Variants in SLC25A51 observed in about 807,000 individuals in gnomAD.
SLC25A51 encodes mitochondrial nicotinamide adenine dinucleotide transporter SLC25A51.
Under a neutral mutation model 19.1 loss-of-function variants are expected in SLC25A51, and 11 were observed. The ratio of observed to expected loss-of-function variants is 0.58; its 90% CI spans 0.36 to 0.96. SLC25A51 has a LOEUF of 0.96. Among genes scored for constraint, SLC25A51 ranks in the 40% least tolerant of loss-of-function variants. The pLI is 0.01. For synonymous variants in SLC25A51, 105 were observed against 133.6 expected, an observed-to-expected ratio of 0.79 and a Z score of 1.47; for missense variants, 201 against 365.4, an observed-to-expected ratio of 0.55 and a Z score of 3.67.
At chr9:37,881,170 A>G (rs1831341406) in intron 3 of SLC25A51, among the ~76,000 whole-genome samples, 1 of 151,764 alleles carries the variant, frequency 6.6e-6, no homozygotes, top group Non-Finnish European at 1.5e-5. Flanking sequence ...GCTACAACAG[A>G]AAGGAGCAGC....
intron 1 of SLC25A51, among the ~76,000 whole-genome samples, chr9:37,900,837 T>C (rs1408643973): frequency 3.9e-5 from 6 of 152,232 alleles, no homozygotes. Flanking sequence ...GCTTGTGAAT[T>C]ACCAATCTTA....
At chr9:37,880,699 G>C (rs1245969297) in exon 4 of SLC25A51, 3 of 152,268 alleles carry the variant, frequency 2.0e-5, no homozygotes, top group Non-Finnish European at 2.9e-5. Flanking sequence ...GCGGTGAGCC[G>C]AGATCACGCC....
chr9:37,883,435 AT>A (rs1247764691), downstream of SLC25A51, among the ~76,000 whole-genome samples: 2 of 152,258 alleles, frequency 1.3e-5, no homozygotes, highest in Non-Finnish European at 2.9e-5. Flanking sequence ...AATGCCACTT[AT>A]TTGAGACAGC....
At chr9:37,885,742 C>T (rs563155822), downstream of SLC25A51, 2 of 1,460,942 alleles carry the variant, frequency 1.4e-6, no homozygotes, top group Non-Finnish European at 1.9e-6. Context: ...AACCGCAGAT[C>T]CATCACTGTG....
At chr9:37,886,264 T>C, downstream of SLC25A51, 1 of 1,613,106 alleles carries the variant, frequency 6.2e-7, no homozygotes, top group Non-Finnish European at 8.5e-7. Context: ...TCCGAGAATT[T>C]AACTTAAATG....
downstream of SLC25A51, among the ~76,000 whole-genome samples, chr9:37,884,639 G>C (rs1486270250): frequency 1.3e-5 from 2 of 152,172 alleles, no homozygotes; most frequent in Admixed American, 1.3e-4. Flanking sequence ...AGAGTTTTAA[G>C]AGAACAGGAT....
intron 2 of SLC25A51, among the ~76,000 whole-genome samples, chr9:37,890,382 T>C (rs1831556753): frequency 6.6e-6 from 1 of 151,958 alleles, no homozygotes; most frequent in Admixed American, 6.6e-5. Context: ...AGACTCTTGT[T>C]TCTAAAAATA....
chr9:37,888,478 T>C lies in SLC25A51; in HGVS notation c.73A>G (p.Ile25Val). ...TSSKQDISPH[I>V]TNVGEMKHYL... The stretch of plus-strand genomic sequence containing the variant: ...TGCTTCATCTCACCAACATTTGTAA[T>C]ATGAGGTGATATATCTTGTTTTGAA... The change falls in exon 3 of 3, where the codon ATT becomes GTT. Residue 25 changes from isoleucine to valine, a missense_variant. Transcript: ENST00000242275. 6.2e-7 allele frequency: 1 copy of C among 1,614,252 alleles called. No homozygotes were observed. Among genetic ancestry groups the C allele is most frequent in the Non-Finnish European group, 8.5e-7 (1 of 1,180,026 alleles).
At chr9:37,896,294 T>G (rs562429130) in intron 2 of SLC25A51, among the ~76,000 whole-genome samples, 5 of 152,058 alleles carry the variant, frequency 3.3e-5, no homozygotes, top group Non-Finnish European at 7.4e-5. Context: ...GAGCCTGGTA[T>G]TTCTTCTCTA....
chr9:37,894,100 C>T (rs1831657045), intron 2 of SLC25A51, among the ~76,000 whole-genome samples: 1 of 152,134 alleles, frequency 6.6e-6, no homozygotes, highest in Non-Finnish European at 1.5e-5. Context: ...TTGCACAGTA[C>T]TCTATGAAAT....
downstream of SLC25A51, among the ~76,000 whole-genome samples, chr9:37,882,977 G>A (rs1314430592): frequency 3.3e-5 from 5 of 152,154 alleles, no homozygotes; most frequent in Non-Finnish European, 7.4e-5. Context: ...CTGGGTAGCC[G>A]GGATCACAGG....
chr9:37,885,649 A>T, downstream of SLC25A51: 1 of 923,382 alleles, frequency 1.1e-6, no homozygotes, highest in Non-Finnish European at 1.8e-6. Flanking sequence ...CTCAGAGAAG[A>T]CTCGGAACCC....
downstream of SLC25A51, chr9:37,886,238 T>C (rs767824882): frequency 1.2e-6 from 2 of 1,607,512 alleles, no homozygotes; most frequent in Non-Finnish European, 1.7e-6. Flanking sequence ...ATGGACCTTC[T>C]CTGAGGAGAA....
chr9:37,885,797 C>G (rs779656068), downstream of SLC25A51: 3 of 1,600,484 alleles, frequency 1.9e-6, no homozygotes, highest in East Asian at 4.5e-5. Context: ...AAGTGGCCAA[C>G]GCAATTCTTT....
At chr9:37,900,639 T>C (rs1013991472) in intron 1 of SLC25A51, among the ~76,000 whole-genome samples, 1 of 152,060 alleles carries the variant, frequency 6.6e-6, no homozygotes, top group Non-Finnish European at 1.5e-5. Flanking sequence ...CCTTGCTATG[T>C]TGCCCAGGCT....
At chr9:37,885,623 G>A (rs1193614830), downstream of SLC25A51, 27 of 785,284 alleles carry the variant, frequency 3.4e-5, no homozygotes, top group South Asian at 2.2e-4. Flanking sequence ...ACAATAATAC[G>A]GCGCCCAACG....
chr9:37,886,699 T>C (rs968999015), downstream of SLC25A51, among the ~76,000 whole-genome samples: 2 of 152,168 alleles, frequency 1.3e-5, no homozygotes, highest in African/African-American at 4.8e-5. Flanking sequence ...TCTCCATGGT[T>C]TCTCCATGAA....
intron 2 of SLC25A51, 99 bp from the exon 3 acceptor site, chr9:37,888,691 T>C: frequency 1.0e-6 from 1 of 960,922 alleles, no homozygotes; most frequent in South Asian, 1.7e-5. Flanking sequence ...ACACCACACT[T>C]TCCTTTTCAG....
At chr9:37,895,362 C>T (rs971004295) in intron 2 of SLC25A51, among the ~76,000 whole-genome samples, 15 of 148,452 alleles carry the variant, frequency 1.0e-4, no homozygotes, top group Non-Finnish European at 2.1e-4. Flanking sequence ...CCACCACATT[C>T]GGCTTTTTTT....
Sources: allele counts gnomAD v4.1 joint callset (sites outside exome capture counted in the v4.1 genomes callset), GRCh38; gene constraint gnomAD v4.1.1; transcripts MANE v1.5; gene names NCBI Gene and HGNC (gene_info 2026-07-23, HGNC 2026-07-21).